The following EXOC4 variants were observed in gnomAD, a reference collection of about 807,000 sequenced individuals.
EXOC4 encodes SEC8-like 1.
Under a neutral mutation model 107.2 loss-of-function variants are expected in EXOC4, and 71 were observed. The observed-to-expected ratio is 0.66, with a 90% CI of 0.55 to 0.81. The LOEUF (loss-of-function observed/expected upper bound fraction) is 0.81. Among genes scored for constraint, EXOC4 ranks in the 30% least tolerant of loss-of-function variants. EXOC4 has a pLI of 0.00. For synonymous variants in EXOC4, 456 were observed against 441.2 expected, an observed-to-expected ratio of 1.03 and a Z score of -0.42; for missense variants, 1,108 against 1,189.6, an observed-to-expected ratio of 0.93 and a Z score of 1.01.
chr7:133,499,097 TGG>T (rs1172124719), intron 9 of EXOC4, among the ~76,000 whole-genome samples: 2 of 119,694 alleles, frequency 1.7e-5, no homozygotes, highest in African/African-American at 6.6e-5. Flanking sequence ...ATTATTTTCT[TGG>T]GGGAGCTTTT....
chr7:134,081,504 A>G, the EXOC4 span, among the ~76,000 whole-genome samples: 1 of 152,206 alleles, frequency 6.6e-6, no homozygotes, highest in Admixed American at 6.5e-5. Flanking sequence ...CAACTAAAGT[A>G]TACACTCTTT....
intron 7 of EXOC4, among the ~76,000 whole-genome samples, chr7:133,420,403 GTTGGCCAAGTT>G (rs1455690240): frequency 6.6e-6 from 1 of 151,944 alleles, no homozygotes; most frequent in Non-Finnish European, 1.5e-5. Context: ...AGCTCCAGTT[GTTGGCCAAGTT>G]CTTTTTCTTG....
chr7:134,036,511 C>A (rs1795393887), intron 17 of EXOC4, among the ~76,000 whole-genome samples: 1 of 152,074 alleles, frequency 6.6e-6, no homozygotes, highest in African/African-American at 2.4e-5. Flanking sequence ...TCCCTTGAGC[C>A]TGGGAGGTTG....
chr7:133,673,418 G>A (rs1440220584), intron 10 of EXOC4, among the ~76,000 whole-genome samples: 1 of 152,100 alleles, frequency 6.6e-6, no homozygotes, highest in African/African-American at 2.4e-5. Context: ...CAAGTGTTGA[G>A]AGTTAACCTT....
chr7:133,308,639 A>T (rs1358747477), intron 4 of EXOC4, among the ~76,000 whole-genome samples: 1 of 152,188 alleles, frequency 6.6e-6, no homozygotes, highest in African/African-American at 2.4e-5. Context: ...TTAGAGTATA[A>T]ATAAAAAAAC....
At chr7:133,420,285 A>G (rs1797574583) in intron 7 of EXOC4, among the ~76,000 whole-genome samples, 2 of 150,616 alleles carry the variant, frequency 1.3e-5, no homozygotes, top group Non-Finnish European at 3.0e-5. Context: ...CCATGTCCCT[A>G]CAAAGGACAT....
intron 1 of EXOC4, among the ~76,000 whole-genome samples, chr7:133,258,149 A>G (rs747772187): frequency 2.0e-5 from 3 of 152,180 alleles, no homozygotes; most frequent in African/African-American, 4.8e-5. Flanking sequence ...AATTACTACT[A>G]GAATACCCAG....
intron 11 of EXOC4, among the ~76,000 whole-genome samples, chr7:133,834,924 A>T (rs1390404051): frequency 6.6e-6 from 1 of 152,072 alleles, no homozygotes; most frequent in Admixed American, 6.6e-5. Context: ...CACTGTACTC[A>T]TGATAGTGAA....
At chr7:133,743,146 C>T (rs1795603485) in intron 10 of EXOC4, among the ~76,000 whole-genome samples, 1 of 152,062 alleles carries the variant, frequency 6.6e-6, no homozygotes, top group South Asian at 2.1e-4. Context: ...CTAGCTCAGT[C>T]AATACTTGTA....
At chr7:133,597,589 C>CA (rs1003547520) in intron 9 of EXOC4, among the ~76,000 whole-genome samples, 20 of 109,860 alleles carry the variant, frequency 1.8e-4, no homozygotes, top group African/African-American at 7.3e-4. Context: ...AAAAAAAAAA[C>CA]CCCGAATCCT....
At chr7:133,780,032 C>T (rs976242012) in intron 10 of EXOC4, among the ~76,000 whole-genome samples, 1 of 152,106 alleles carries the variant, frequency 6.6e-6, no homozygotes, top group African/African-American at 2.4e-5. Context: ...TCGGGACACA[C>T]CCTGATGGTG....
intron 9 of EXOC4, among the ~76,000 whole-genome samples, chr7:133,525,523 C>G (rs1327024043): frequency 6.6e-6 from 1 of 152,122 alleles, no homozygotes; most frequent in Non-Finnish European, 1.5e-5. Context: ...TTATGCCTTT[C>G]TGAAATAGAG....
intron 17 of EXOC4, among the ~76,000 whole-genome samples, chr7:134,044,586 G>A (rs10234887): frequency 0.16 from 24,607 of 152,130 alleles, 2,812 homozygotes; most frequent in East Asian, 0.43. Flanking sequence ...ACTCAACTGA[G>A]CAGTCATCCA....
chr7:133,852,041 T>C (rs1404913760), intron 11 of EXOC4, among the ~76,000 whole-genome samples: 1 of 152,146 alleles, frequency 6.6e-6, no homozygotes, highest in Non-Finnish European at 1.5e-5. Flanking sequence ...AACCAGTAAT[T>C]TGGAATCTCA....
intron 5 of EXOC4, among the ~76,000 whole-genome samples, chr7:133,341,599 C>G (rs1795662420): frequency 6.6e-6 from 1 of 152,132 alleles, no homozygotes; most frequent in South Asian, 2.1e-4. Context: ...GAGTTTCTGT[C>G]TTGATGACCT....
At chr7:133,618,871 T>C (rs1180091162) in intron 9 of EXOC4, among the ~76,000 whole-genome samples, 21 of 152,220 alleles carry the variant, frequency 1.4e-4, no homozygotes, top group Admixed American at 7.2e-4. Flanking sequence ...AGTAATATTA[T>C]ATATCATAAT....
chr7:133,965,735 G>A (rs988415703), intron 14 of EXOC4, among the ~76,000 whole-genome samples: 1 of 152,136 alleles, frequency 6.6e-6, no homozygotes, highest in Non-Finnish European at 1.5e-5. Flanking sequence ...TAGCCTTGTA[G>A]TATAGTTTGA....
At chr7:133,398,706 T>G (rs942283730) in intron 7 of EXOC4, among the ~76,000 whole-genome samples, 1 of 152,206 alleles carries the variant, frequency 6.6e-6, no homozygotes, top group East Asian at 1.9e-4. Flanking sequence ...TTTATTTTCA[T>G]AAGTTCCACA....
chr7:133,502,531 T>C (rs1431559134), intron 9 of EXOC4, among the ~76,000 whole-genome samples: 1 of 152,160 alleles, frequency 6.6e-6, no homozygotes, highest in African/African-American at 2.4e-5. Flanking sequence ...TTTGCTTTTT[T>C]GTGTGTGGGG....
Sources: allele counts gnomAD v4.1 joint callset (sites outside exome capture counted in the v4.1 genomes callset), GRCh38; gene constraint gnomAD v4.1.1; transcripts MANE v1.5; gene names NCBI Gene and HGNC (gene_info 2026-07-23, HGNC 2026-07-21).